The following TBC1D15 variants were observed in gnomAD, a reference collection of about 807,000 sequenced individuals.
The protein encoded by TBC1D15 is GAP for RAB7.
In TBC1D15, 39 loss-of-function variants were observed where a neutral mutation model predicts 95.4. The observed-to-expected ratio is 0.41, with a 90% CI of 0.32 to 0.53. The LOEUF is 0.53. TBC1D15 is among the 20% of genes least tolerant of loss of function. The pLI is 0.29. For missense variants in TBC1D15, 733 were observed against 794.3 expected, an observed-to-expected ratio of 0.92 and a Z score of 0.93; for synonymous variants, 258 against 261.3, an observed-to-expected ratio of 0.99 and a Z score of 0.12.
intron 10 of TBC1D15, among the ~76,000 whole-genome samples, chr12:71,904,624 G>C (rs911213968): frequency 6.6e-6 from 1 of 152,142 alleles, no homozygotes; most frequent in African/African-American, 2.4e-5. Context: ...TGCACAAGAG[G>C]AGGGGTTGGT....
At position 71,903,325 on chromosome 12, in the gene TBC1D15, T is replaced by C. The variant is rs545214690; in HGVS notation, c.1184-3697T>C. ...TTCAAAACAACAATGAGATACCATC[T>C]CCTACTAGTCATGATGGCTGTTACT... On this transcript the variant is annotated intron_variant, in intron 10 of 16. Transcript: ENST00000485960. Among the ~76,000 whole-genome samples, 7 of 152,302 alleles carry C rather than the reference T, an allele frequency of 4.6e-5. No homozygotes were observed. In the South Asian group the frequency reaches 1.5e-3, roughly 32 times the overall value.
At chr12:71,886,232 G>A (rs908465701) in intron 5 of TBC1D15, among the ~76,000 whole-genome samples, 1 of 152,060 alleles carries the variant, frequency 6.6e-6, no homozygotes, top group Non-Finnish European at 1.5e-5. Flanking sequence ...GCAGTGGTGC[G>A]ATCTTGGCTC....
At chr12:71,869,891 T>G (rs1892302285) in intron 1 of TBC1D15, among the ~76,000 whole-genome samples, 1 of 152,212 alleles carries the variant, frequency 6.6e-6, no homozygotes, top group Admixed American at 6.5e-5. Flanking sequence ...ATGACTATAT[T>G]TTCGCTTTGA....
At chr12:71,908,034 G>A (rs1901201395) in intron 11 of TBC1D15, 1 of 152,294 alleles carries the variant, frequency 6.6e-6, no homozygotes, top group Admixed American at 6.5e-5. Context: ...AGATAGGCTG[G>A]GTGGCACACG....
intron 1 of TBC1D15, among the ~76,000 whole-genome samples, chr12:71,870,823 A>G (rs1214706802): frequency 6.6e-6 from 1 of 152,188 alleles, no homozygotes; most frequent in Non-Finnish European, 1.5e-5. Flanking sequence ...AGGAGTTCCT[A>G]GTGTATAAGT....
intron 12 of TBC1D15, among the ~76,000 whole-genome samples, chr12:71,917,425 TAGTC>T (rs1226763654): frequency 1.3e-5 from 2 of 152,158 alleles, no homozygotes; most frequent in East Asian, 1.9e-4. Flanking sequence ...AAGAAATAAA[TAGTC>T]AGTCTGCAGT....
chr12:71,843,241 C>G (rs779954951), intron 1 of TBC1D15, among the ~76,000 whole-genome samples: 1 of 152,040 alleles, frequency 6.6e-6, no homozygotes, highest in Non-Finnish European at 1.5e-5. Context: ...CTTGTTCAGA[C>G]TGGGCGAAGG....
At chr12:71,870,239 C>T (rs142839235) in intron 1 of TBC1D15, among the ~76,000 whole-genome samples, 2 of 152,162 alleles carry the variant, frequency 1.3e-5, no homozygotes, top group African/African-American at 4.8e-5. Context: ...CCCTCCCTTT[C>T]CTCCTCCCCT....
chr12:71,885,398 T>A (rs1244616307), intron 5 of TBC1D15, among the ~76,000 whole-genome samples: 1 of 152,194 alleles, frequency 6.6e-6, no homozygotes, highest in African/African-American at 2.4e-5. Flanking sequence ...GTCAGGCAAG[T>A]CCTAAGTCCT....
At chr12:71,889,684 A>G (rs1896878867) in intron 5 of TBC1D15, among the ~76,000 whole-genome samples, 1 of 152,170 alleles carries the variant, frequency 6.6e-6, no homozygotes, top group Non-Finnish European at 1.5e-5. Context: ...CAGGTTTGTT[A>G]TGTAGGTAAA....
chr12:71,889,427 G>A (rs1896838149), intron 5 of TBC1D15, among the ~76,000 whole-genome samples: 1 of 152,144 alleles, frequency 6.6e-6, no homozygotes, highest in Non-Finnish European at 1.5e-5. Context: ...ACTCTAGGCT[G>A]AAAATAAGTG....
At chr12:71,891,396 C>A (rs1897183818) in intron 5 of TBC1D15, among the ~76,000 whole-genome samples, 1 of 152,130 alleles carries the variant, frequency 6.6e-6, no homozygotes, top group Non-Finnish European at 1.5e-5. Context: ...GTTCATCTTA[C>A]TGCTGCAATG....
chr12:71,874,108 G>A (rs1389060573), intron 3 of TBC1D15, among the ~76,000 whole-genome samples: 1 of 152,142 alleles, frequency 6.6e-6, no homozygotes, highest in Non-Finnish European at 1.5e-5. Flanking sequence ...TTGATTACTT[G>A]TGTTAAGACC....
chr12:71,885,446 C>T (rs1444733598), intron 5 of TBC1D15, among the ~76,000 whole-genome samples: 1 of 152,160 alleles, frequency 6.6e-6, no homozygotes, highest in Non-Finnish European at 1.5e-5. Flanking sequence ...CAGGGCCTTA[C>T]CACTTTCCAA....
chr12:71,894,384 T>A lies in TBC1D15; in HGVS notation c.658-302T>A, dbSNP rs776455672. On this transcript the variant is annotated intron_variant, in intron 6 of 16. Coordinates refer to ENST00000485960, the MANE Select transcript of TBC1D15 (RefSeq NM_001146213.3). ...CCATTCACCACTGGAAAGTAAGCAC[T>A]GCGTATGTTTTCTGATGTATGCAGA... 1.9e-6 allele frequency: 3 copies of A among 1,612,704 alleles called. No homozygotes were observed. The Admixed American group carries it at 5.0e-5, about 27-fold the overall frequency.
chr12:71,865,491 A>G (rs1411439136), intron 1 of TBC1D15, among the ~76,000 whole-genome samples: 5 of 152,074 alleles, frequency 3.3e-5, no homozygotes, highest in Non-Finnish European at 7.4e-5. Flanking sequence ...AGACCTTGGG[A>G]TGGTGGGGCT....
At chr12:71,865,407 T>G (rs11178969) in intron 1 of TBC1D15, among the ~76,000 whole-genome samples, 14,854 of 152,022 alleles carry the variant, frequency 0.098, 856 homozygotes, top group East Asian at 0.17. Flanking sequence ...TGGCTACAGT[T>G]CAGGAATCTG....
chr12:71,896,892 A>C (rs1898298301), intron 9 of TBC1D15, 112 bp downstream of exon 9: 1 of 670,878 alleles, frequency 1.5e-6, no homozygotes, highest in African/African-American at 1.9e-5. Context: ...ATGGAAAAAC[A>C]ACTTCATTTT....
chr12:71,888,664 TC>T (rs1896693975), intron 5 of TBC1D15, among the ~76,000 whole-genome samples: 1 of 152,012 alleles, frequency 6.6e-6, no homozygotes, highest in South Asian at 2.1e-4. Context: ...AAGCACCTTC[TC>T]TGTTGATAGG....
Sources: allele counts gnomAD v4.1 joint callset (sites outside exome capture counted in the v4.1 genomes callset), GRCh38; gene constraint gnomAD v4.1.1; transcripts MANE v1.5; gene names NCBI Gene and HGNC (gene_info 2026-07-23, HGNC 2026-07-21).